The following ENOX1 variants were observed in gnomAD, a reference collection of about 807,000 sequenced individuals.
ENOX1 encodes candidate growth-related and time keeping constitutive hydroquinone (NADH) oxidase.
In ENOX1, 42 loss-of-function variants were observed where a neutral mutation model predicts 82.5. The observed-to-expected ratio is 0.51, with a 90% CI of 0.40 to 0.66. The LOEUF (loss-of-function observed/expected upper bound fraction) is 0.66. Among genes scored for constraint, ENOX1 ranks in the 30% least tolerant of loss-of-function variants. The pLI is 0.00. For missense variants in ENOX1, 608 were observed against 811.6 expected (o/e 0.75, Z 3.05); for synonymous variants, 271 against 282.2 (o/e 0.96, Z 0.40).
intron 15 of ENOX1, among the ~76,000 whole-genome samples, chr13:43,231,032 G>C (rs2042255387): frequency 1.3e-5 from 2 of 152,148 alleles, no homozygotes; most frequent in African/African-American, 4.8e-5. Context: ...TACACTGGTT[G>C]ATAGTCTCCT....
intron 1 of ENOX1, among the ~76,000 whole-genome samples, chr13:43,731,978 T>C (rs1394545894): frequency 6.6e-6 from 1 of 152,210 alleles, no homozygotes; most frequent in African/African-American, 2.4e-5. Flanking sequence ...TTAATTAACA[T>C]TTTATCCCAA....
At chr13:43,527,542 G>A (rs2078039783) in intron 2 of ENOX1, among the ~76,000 whole-genome samples, 1 of 152,038 alleles carries the variant, frequency 6.6e-6, no homozygotes, top group Admixed American at 6.6e-5. Flanking sequence ...CTAAATCTTT[G>A]TATACAGTTT....
intron 14 of ENOX1, among the ~76,000 whole-genome samples, chr13:43,255,975 T>G (rs1452689316): frequency 6.6e-6 from 1 of 152,030 alleles, no homozygotes; most frequent in African/African-American, 2.4e-5. Context: ...CACATAAGAC[T>G]GTTAAGAGTA....
Position 43,278,467 on chromosome 13 carries a change from C to A in ENOX1, c.1447-8890G>T, listed in dbSNP as rs149605098. On this transcript the variant is annotated intron_variant, in intron 12 of 16. Transcript: ENST00000690772. The stretch of plus-strand genomic sequence containing the variant: ...GAACTTGAGCTACTTCCATTCATCC[C>A]ACAGGACCACTCTGAGAATTTTTAT... 7.1e-4 allele frequency among the ~76,000 whole-genome samples: 108 copies of A among 152,042 alleles called. No individual in the cohort carries two copies. The East Asian group carries it at 0.018, about 25-fold the overall frequency.
chr13:43,756,196 G>A (rs770901542), intron 1 of ENOX1, among the ~76,000 whole-genome samples: 1 of 152,060 alleles, frequency 6.6e-6, no homozygotes, highest in Non-Finnish European at 1.5e-5. Flanking sequence ...GGAGGCCAAG[G>A]CAGGTGGATC....
At chr13:43,358,222 T>G (rs960831596) in intron 7 of ENOX1, among the ~76,000 whole-genome samples, 1 of 152,148 alleles carries the variant, frequency 6.6e-6, no homozygotes, top group Non-Finnish European at 1.5e-5. Flanking sequence ...GTTGTATTAG[T>G]GTTGAAAAGG....
intron 2 of ENOX1, among the ~76,000 whole-genome samples, chr13:43,558,873 G>C (rs2079551225): frequency 6.6e-6 from 1 of 152,142 alleles, no homozygotes; most frequent in Non-Finnish European, 1.5e-5. Flanking sequence ...TCTGATAAGA[G>C]TATGTATTTT....
At chr13:43,604,060 A>G (rs1476509533) in intron 2 of ENOX1, among the ~76,000 whole-genome samples, 1 of 150,580 alleles carries the variant, frequency 6.6e-6, no homozygotes, top group Non-Finnish European at 1.5e-5. Flanking sequence ...TTGTTTCCTG[A>G]CTTCTTAATG....
At chr13:43,697,720 T>G (rs918648861) in intron 1 of ENOX1, among the ~76,000 whole-genome samples, 8 of 152,114 alleles carry the variant, frequency 5.3e-5, no homozygotes, top group African/African-American at 1.9e-4. Flanking sequence ...TCACACAAAT[T>G]GGACAGATCT....
At chr13:43,670,549 A>G (rs1218719506) in intron 1 of ENOX1, among the ~76,000 whole-genome samples, 2 of 152,314 alleles carry the variant, frequency 1.3e-5, no homozygotes, top group Admixed American at 1.3e-4. Flanking sequence ...ACACAACTGA[A>G]TTAAGTATTT....
At chr13:43,236,505 CT>C in intron 15 of ENOX1, 130 bp downstream of exon 15, 1 of 566,952 alleles carries the variant, frequency 1.8e-6, no homozygotes, top group Non-Finnish European at 2.9e-6. Context: ...GTAATATAAT[CT>C]TGATGAAATT....
At chr13:43,514,363 C>A (rs984857183) in intron 2 of ENOX1, among the ~76,000 whole-genome samples, 2 of 152,124 alleles carry the variant, frequency 1.3e-5, no homozygotes, top group Non-Finnish European at 2.9e-5. Flanking sequence ...GTATCTAGCA[C>A]CAAATGTATT....
At chr13:43,740,260 G>C (rs560158627) in intron 1 of ENOX1, among the ~76,000 whole-genome samples, 1 of 152,194 alleles carries the variant, frequency 6.6e-6, no homozygotes, top group South Asian at 2.1e-4. Flanking sequence ...GAAACACCAG[G>C]AACCACTGGA....
At chr13:43,309,576 TCA>T (rs2153517062) in intron 11 of ENOX1, among the ~76,000 whole-genome samples, 1 of 152,334 alleles carries the variant, frequency 6.6e-6, no homozygotes, top group Non-Finnish European at 1.5e-5. Flanking sequence ...TGGCTTCAGT[TCA>T]CATTCTTCAA....
chr13:43,641,705 T>G (rs1276687734), intron 2 of ENOX1, among the ~76,000 whole-genome samples: 1 of 151,580 alleles, frequency 6.6e-6, no homozygotes, highest in East Asian at 1.9e-4. Context: ...GCTAATTTTT[T>G]GTGTTTTTTA....
intron 2 of ENOX1, among the ~76,000 whole-genome samples, chr13:43,566,810 T>G (rs1305932213): frequency 6.6e-6 from 1 of 152,128 alleles, no homozygotes; most frequent in Non-Finnish European, 1.5e-5. Context: ...TAAATAAGTT[T>G]AAATGTTCAC....
intron 1 of ENOX1, among the ~76,000 whole-genome samples, chr13:43,778,551 T>C (rs1952060010): frequency 6.6e-6 from 1 of 150,918 alleles, no homozygotes; most frequent in African/African-American, 2.5e-5. Context: ...AAATCACCTC[T>C]TCGCCAAGAG....
intron 1 of ENOX1, among the ~76,000 whole-genome samples, chr13:43,697,180 A>G (rs1203353950): frequency 6.6e-6 from 1 of 152,102 alleles, no homozygotes; most frequent in African/African-American, 2.4e-5. Context: ...TCAATTTTAG[A>G]CATAGATTGG....
intron 9 of ENOX1, among the ~76,000 whole-genome samples, chr13:43,333,869 C>T (rs928971913): frequency 2.9e-4 from 44 of 152,222 alleles, no homozygotes; most frequent in Admixed American, 1.8e-3. Flanking sequence ...GTGATTCACC[C>T]GCCTCGGCCT....
Sources: gnomAD v4.1 joint callset for allele counts (sites outside exome capture counted in the v4.1 genomes callset) on GRCh38, gnomAD v4.1.1 for gene constraint, MANE v1.5 for transcripts, NCBI Gene and HGNC (gene_info 2026-07-23, HGNC 2026-07-21) for gene names.